Variants in AKT1 observed in about 807,000 individuals in gnomAD.
The protein encoded by AKT1 is RAC-alpha serine/threonine-protein kinase.
In AKT1, 21 loss-of-function variants were observed where a neutral mutation model predicts 63.1. The observed-to-expected ratio is 0.33, with a 90% confidence interval of 0.24 to 0.48. The LOEUF (loss-of-function observed/expected upper bound fraction) is 0.48, where lower values mean the gene tolerates loss of function less well. Ranked by LOEUF, AKT1 falls within the 20% of genes least tolerant of loss-of-function variation. AKT1 has a pLI of 0.99. For synonymous variants in AKT1, 257 were observed against 253.1 expected (o/e 1.02, Z -0.15); for missense variants, 382 against 666.0 (o/e 0.57, Z 4.69).
At chr14:104,773,617 G>A (rs756044123) in intron 9 of AKT1, 37 bp from the exon 10 acceptor site, 12 of 1,580,552 alleles carry the variant, frequency 7.6e-6, no homozygotes, top group Admixed American at 1.8e-5. Context: ...GCCGTGGCTC[G>A]GGCCTCTGCC....
chr14:104,773,744 A>AACAAGTCACCCCACAGCAGGC, intron 9 of AKT1, 164 bp from the exon 10 acceptor site: 1 of 1,249,384 alleles, frequency 8.0e-7, no homozygotes, highest in Middle Eastern at 2.8e-4. Context: ...ACTCAGCAGG[A>AACAAGTCACCCCACAGCAGGC]ACAAGTCACC....
rs1177356831 is a variant in AKT1, at chr14:104,775,008, AAAG to A, written c.568-8_568-6del. 6.2e-7 allele frequency: 1 copy of A among 1,613,246 alleles called. No homozygotes were observed. The highest frequency in any genetic ancestry group is 8.5e-7 in the Non-Finnish European group (1 of 1,179,762). On this transcript the variant is annotated splice_polypyrimidine_tract_variant and splice_region_variant and intron_variant, in intron 7 of 14. Transcript: ENST00000649815. ...GAGTGTGTGGGCCACCTCGTCCTGTAAAGCAGGGCTGGGTGAGCTGCCACCCCG... is the reference window on the plus strand; with the variant it reads ...GAGTGTGTGGGCCACCTCGTCCTGTACAGGGCTGGGTGAGCTGCCACCCCG...
chr14:104,792,387 C>G (rs1445768474), intron 3 of AKT1, among the ~76,000 whole-genome samples: 2 of 152,124 alleles, frequency 1.3e-5, no homozygotes, highest in Admixed American at 1.3e-4. Context: ...GATGGCCGGC[C>G]CTGCACAGGG....
At chr14:104,784,402 C>T (rs908262819) in intron 3 of AKT1, among the ~76,000 whole-genome samples, 2 of 152,090 alleles carry the variant, frequency 1.3e-5, no homozygotes, top group African/African-American at 4.8e-5. Flanking sequence ...TGTCCCTGCC[C>T]GGGGGGACAG....
intron 5 of AKT1, 89 bp downstream of exon 5, chr14:104,776,570 G>A: frequency 1.7e-6 from 2 of 1,155,540 alleles, no homozygotes; most frequent in South Asian, 1.4e-5. Context: ...ATGGCTACAG[G>A]CAGAGGTGCC....
intron 8 of AKT1, chr14:104,774,656 T>A: frequency 6.2e-6 from 3 of 481,158 alleles, no homozygotes; most frequent in South Asian, 2.8e-5. Flanking sequence ...CTGCAGGGCA[T>A]GGGGAGCTGG....
chr14:104,774,033 G>T (rs998139543), intron 8 of AKT1, 53 bp from the exon 9 acceptor site: 2 of 1,543,116 alleles, frequency 1.3e-6, no homozygotes, highest in Admixed American at 3.5e-5. Context: ...CGGCAGCCCC[G>T]CACCACGCTG....
intron 3 of AKT1, among the ~76,000 whole-genome samples, chr14:104,782,932 C>T (rs942357755): frequency 2.6e-5 from 4 of 152,136 alleles, no homozygotes; most frequent in Admixed American, 6.5e-5. Flanking sequence ...CGCATCTTAA[C>T]GAGTTCAGCC....
intron 4 of AKT1, chr14:104,777,823 G>A (rs1892820997): frequency 7.9e-6 from 5 of 633,334 alleles, no homozygotes; most frequent in East Asian, 2.8e-4. Flanking sequence ...GGCCAGGAGG[G>A]GGCTCGGGAC....
intron 4 of AKT1, 73 bp from the exon 5 acceptor site, chr14:104,776,843 G>A (rs1892743078): frequency 2.4e-6 from 3 of 1,265,926 alleles, no homozygotes; most frequent in Non-Finnish European, 3.4e-6. Flanking sequence ...AGCCCCCGCT[G>A]CACCAGCCAG....
At chr14:104,773,818 G>A in intron 9 of AKT1, 94 bp downstream of exon 9, 2 of 1,356,740 alleles carry the variant, frequency 1.5e-6, no homozygotes, top group Non-Finnish European at 2.1e-6. Flanking sequence ...ACCGTCTGGT[G>A]CCATGGAGAG....
intron 13 of AKT1, 97 bp from the exon 14 acceptor site, chr14:104,770,944 A>C: frequency 2.8e-6 from 3 of 1,087,398 alleles, no homozygotes; most frequent in Non-Finnish European, 2.7e-6. Flanking sequence ...CTGGATCTCC[A>C]AGGGGTCTCC....
At chr14:104,789,088 C>T (rs1307367161) in intron 3 of AKT1, among the ~76,000 whole-genome samples, 7 of 152,234 alleles carry the variant, frequency 4.6e-5, no homozygotes, top group Non-Finnish European at 1.0e-4. Context: ...TCACAGCCTG[C>T]CGAAGGCAGC....
chr14:104,775,114 C>A lies in AKT1; in HGVS notation c.529G>T (p.Ala177Ser). Residue 177 changes from alanine to serine, a missense_variant, in exon 7 of 15, where the codon GCC becomes TCC. By Grantham distance (99) the Ala-to-Ser change is moderately conservative (BLOSUM62 1). Around this residue, in one of 3 missense-constraint regions of AKT1, gnomAD observed 226 missense variants for 366.4 expected, o/e 0.62. Coordinates refer to ENST00000649815, the MANE Select transcript of AKT1 (RefSeq NM_001382430.1). ...VKEKATGRYYAMKILKKEVIV... is the reference protein window; with the variant it reads ...VKEKATGRYYSMKILKKEVIV... ...ACTTCCTTCTTGAGGATCTTCATGGCGTAGTAGCGGCCTGTGGCCTTCTCC... is the reference window on the plus strand; with the variant it reads ...ACTTCCTTCTTGAGGATCTTCATGGAGTAGTAGCGGCCTGTGGCCTTCTCC... 1 of 1,614,114 alleles carries A rather than the reference C, an allele frequency of 6.2e-7. No homozygotes were observed. The highest frequency in any genetic ancestry group is 8.5e-7 in the Non-Finnish European group (1 of 1,180,048).
chr14:104,773,648 G>C (rs1162905971), intron 9 of AKT1, 68 bp from the exon 10 acceptor site: 2 of 1,546,846 alleles, frequency 1.3e-6, no homozygotes, highest in African/African-American at 2.7e-5. Flanking sequence ...GCAGGGCTGG[G>C]GTTTCTCAGA....
chr14:104,777,743 C>T, intron 4 of AKT1: 2 of 985,604 alleles, frequency 2.0e-6, no homozygotes, highest in Non-Finnish European at 2.4e-6. Flanking sequence ...TCTGACATTC[C>T]AGCATCGAGG....
chr14:104,785,930 G>A (rs574984233), intron 3 of AKT1, among the ~76,000 whole-genome samples: 1 of 152,030 alleles, frequency 6.6e-6, no homozygotes, highest in Non-Finnish European at 1.5e-5. Flanking sequence ...ACTGGGTGGG[G>A]TACTGGGCCT....
chr14:104,790,406 G>T (rs1893569729), intron 3 of AKT1, among the ~76,000 whole-genome samples: 1 of 145,214 alleles, frequency 6.9e-6, no homozygotes, highest in Non-Finnish European at 1.5e-5. Flanking sequence ...GGTCAGCCCA[G>T]CACAGCCCTG....
intron 6 of AKT1, 173 bp downstream of exon 6, chr14:104,775,479 G>T: frequency 9.1e-7 from 1 of 1,094,924 alleles, no homozygotes; most frequent in Non-Finnish European, 1.3e-6. Flanking sequence ...CCTCTGACAT[G>T]GGGAAGAGGA....
Sources: gnomAD v4.1 joint callset for allele counts (sites outside exome capture counted in the v4.1 genomes callset) on GRCh38, gnomAD v4.1.1 for gene constraint, gnomAD v4.1.1 regional missense constraint, MANE v1.5 for transcripts, NCBI Gene and HGNC (gene_info 2026-07-23, HGNC 2026-07-21) for gene names.